Variants in AFF3 observed in about 807,000 individuals in gnomAD.
The protein encoded by AFF3 is AF4/FMR2 family member 3.
In AFF3, 32 loss-of-function variants were observed where a neutral mutation model predicts 129.7. That is an observed-to-expected ratio of 0.25 (90% CI 0.19 to 0.33). The LOEUF (loss-of-function observed/expected upper bound fraction) is 0.33. AFF3 is among the 10% of genes least tolerant of loss of function. The probability of loss-of-function intolerance (pLI) is 1.00; values close to 1 mark genes in which losing one functional copy is unlikely to be tolerated. For synonymous variants in AFF3, 644 were observed against 635.4 expected, an observed-to-expected ratio of 1.01 and a Z score of -0.20; for missense variants, 1,373 against 1,592.0, an observed-to-expected ratio of 0.86 and a Z score of 2.34.
chr2:99,599,691 C>A (rs1291400202), intron 14 of AFF3, among the ~76,000 whole-genome samples: 2 of 152,210 alleles, frequency 1.3e-5, no homozygotes, highest in Non-Finnish European at 2.9e-5. Context: ...ATGATCTTCA[C>A]AGACACAAAC....
At chr2:99,601,654 G>A in intron 13 of AFF3, 33 bp from the exon 14 acceptor site, 1 of 1,577,192 alleles carries the variant, frequency 6.3e-7, no homozygotes, top group Non-Finnish European at 8.6e-7. Context: ...GGAAGCAGAG[G>A]GAAGGAAAGC....
intron 8 of AFF3, among the ~76,000 whole-genome samples, chr2:99,835,333 T>C (rs1221486335): frequency 1.3e-5 from 2 of 152,176 alleles, no homozygotes; most frequent in Non-Finnish European, 2.9e-5. Context: ...CCAACTATTC[T>C]GCCTTTCCCT....
rs189398774 is a variant in AFF3 at position 99,860,363 on chromosome 2, C to T, written c.874-22839G>A. On this transcript the variant is annotated intron_variant, in intron 7 of 24. Transcript: ENST00000672756. ...GGTCAGGAGATTGAGACCATCCTGG[C>T]TAACATGGTGAAACCCCGTCTCTAC... is the stretch of plus-strand genomic sequence containing the variant. Among the ~76,000 whole-genome samples the T allele has an allele frequency of 1.5e-3, 231 of 152,100 alleles. 1 individual carries two copies. The highest frequency in any genetic ancestry group is 5.3e-3 in the African/African-American group (222 of 41,500).
chr2:99,993,971 A>T (rs1004013952), intron 7 of AFF3, among the ~76,000 whole-genome samples: 1 of 151,374 alleles, frequency 6.6e-6, no homozygotes, highest in African/African-American at 2.4e-5. Flanking sequence ...ATGCCCGGCT[A>T]ATTTTTGTAT....
intron 7 of AFF3, among the ~76,000 whole-genome samples, chr2:99,874,181 A>C (rs1692104894): frequency 6.6e-6 from 1 of 152,174 alleles, no homozygotes; most frequent in African/African-American, 2.4e-5. Flanking sequence ...CGTCTCAAAA[A>C]AAACAAAAAA....
At chr2:99,683,868 C>G (rs1425044389) in intron 11 of AFF3, among the ~76,000 whole-genome samples, 1 of 152,184 alleles carries the variant, frequency 6.6e-6, no homozygotes, top group South Asian at 2.1e-4. Flanking sequence ...GAAAAGAAAG[C>G]CAGCGAGGTG....
chr2:99,918,199 A>G (rs1274408389), intron 7 of AFF3, among the ~76,000 whole-genome samples: 1 of 152,172 alleles, frequency 6.6e-6, no homozygotes, highest in Non-Finnish European at 1.5e-5. Context: ...GTATTGATGT[A>G]TATCTTCTGA....
intron 7 of AFF3, among the ~76,000 whole-genome samples, chr2:99,897,651 T>G (rs901748715): frequency 6.6e-6 from 1 of 152,202 alleles, no homozygotes; most frequent in South Asian, 2.1e-4. Flanking sequence ...CTAACTTCCT[T>G]CCAGTTCTGG....
Position 99,548,175 on chromosome 2 carries a change from T to C in AFF3, c.*3299A>G, listed in dbSNP as rs965411469. 28 of 197,310 alleles carry C rather than the reference T, an allele frequency of 1.4e-4. No homozygotes were observed. The East Asian group carries it at 2.1e-3, about 15-fold the overall frequency. 12.2% of individuals were successfully genotyped at this position (197,310 alleles called of 1,614,324 possible). A position where few individuals can be genotyped will look rare whatever the true frequency, so the allele number is the denominator to read the frequency against. ...ACATCGTGATAAAGGATAGCATCTA[T>C]TCAGGTCATGGAAGGATATGGTCAG... On this transcript the variant is annotated 3_prime_UTR_variant, in exon 25 of 25. Transcript: ENST00000672756.
chr2:99,833,299 C>A (rs1225442634), intron 8 of AFF3, among the ~76,000 whole-genome samples: 1 of 152,198 alleles, frequency 6.6e-6, no homozygotes, highest in African/African-American at 2.4e-5. Flanking sequence ...TTATTTGCCT[C>A]AAGTTTGTTC....
At chr2:100,102,479 GTT>G (rs1386061859) in intron 4 of AFF3, among the ~76,000 whole-genome samples, 2 of 152,106 alleles carry the variant, frequency 1.3e-5, no homozygotes, top group Admixed American at 6.6e-5. Flanking sequence ...AAACGTGTAA[GTT>G]TTTGTTTTTT....
intron 7 of AFF3, among the ~76,000 whole-genome samples, chr2:99,892,495 T>G (rs1281719714): frequency 1.3e-5 from 2 of 152,198 alleles, no homozygotes; most frequent in Non-Finnish European, 2.9e-5. Context: ...AAAGAATTTT[T>G]TCAACTGTTG....
At chr2:99,804,100 A>G (rs1686160490) in intron 8 of AFF3, among the ~76,000 whole-genome samples, 1 of 152,244 alleles carries the variant, frequency 6.6e-6, no homozygotes, top group Non-Finnish European at 1.5e-5. Context: ...GACCTAATTA[A>G]CTGAGAAGCT....
chr2:99,638,564 C>T (rs76293688), intron 13 of AFF3, among the ~76,000 whole-genome samples: 9,304 of 152,106 alleles, frequency 0.061, 397 homozygotes, highest in East Asian at 0.12. Flanking sequence ...GCTGTCCCCC[C>T]GCCCACAGAG....
At chr2:100,090,878 C>T (rs1180603372) in intron 4 of AFF3, among the ~76,000 whole-genome samples, 2 of 152,062 alleles carry the variant, frequency 1.3e-5, no homozygotes, top group Non-Finnish European at 2.9e-5. Flanking sequence ...TTTTAGTAGG[C>T]AGGGTTTCAC....
intron 10 of AFF3, among the ~76,000 whole-genome samples, chr2:99,729,413 G>A (rs924354577): frequency 6.6e-6 from 1 of 152,120 alleles, no homozygotes; most frequent in Non-Finnish European, 1.5e-5. Flanking sequence ...GGATATAGTG[G>A]GGCCAAACAG....
intron 11 of AFF3, among the ~76,000 whole-genome samples, chr2:99,722,492 C>T (rs17022970): frequency 0.044 from 6,694 of 152,168 alleles, 514 homozygotes; most frequent in African/African-American, 0.15. Context: ...CTTAATGTTA[C>T]GGTGACTCCT....
chr2:99,761,317 C>T (rs1053475535), intron 8 of AFF3, among the ~76,000 whole-genome samples: 5 of 151,792 alleles, frequency 3.3e-5, no homozygotes, highest in East Asian at 1.9e-4. Context: ...AACTGGCTAA[C>T]GTTTTCTCTA....
At position 100,026,392 on chromosome 2, in the gene AFF3, A is replaced by C. The variant is rs531863613; in HGVS notation, c.54-17460T>G. ...AGAATGGCCATAATCAAAAAATCAA[A>C]AAACAGTAGATGTTGGCATGGATGT... On this transcript the variant is annotated intron_variant, in intron 4 of 24. Transcript: ENST00000672756. Among the ~76,000 whole-genome samples the C allele has an allele frequency of 2.0e-5, 3 of 152,278 alleles. No homozygotes were observed. In the East Asian group the frequency reaches 5.8e-4, roughly 29 times the overall value.
Sources: allele counts gnomAD v4.1 joint callset (sites outside exome capture counted in the v4.1 genomes callset), GRCh38; gene constraint gnomAD v4.1.1; transcripts MANE v1.5; gene names NCBI Gene and HGNC (gene_info 2026-07-23, HGNC 2026-07-21).